Variants in APOB observed in about 807,000 individuals in gnomAD.
The protein encoded by APOB is apolipoprotein B-100.
Under a neutral mutation model 314.1 loss-of-function variants are expected in APOB, and 153 were observed. The observed-to-expected ratio is 0.49, with a 90% confidence interval of 0.43 to 0.56. The LOEUF (loss-of-function observed/expected upper bound fraction) is 0.56. APOB is among the 20% of genes least tolerant of loss of function. The pLI, the probability that APOB is intolerant of heterozygous loss-of-function variation, is 0.00. For synonymous variants in APOB, 2,087 were observed against 2,036.4 expected, an observed-to-expected ratio of 1.02 and a Z score of -0.67; for missense variants, 5,430 against 5,350.7, an observed-to-expected ratio of 1.01 and a Z score of -0.46.
At chr2:21,023,963 G>A (rs1284665313) in intron 16 of APOB, 2 of 302,340 alleles carry the variant, frequency 6.6e-6, no homozygotes, top group African/African-American at 4.3e-5. Context: ...CTGGGCCTCA[G>A]AGCTTTATGG....
chr2:21,028,572 C>T (rs763008070), intron 12 of APOB, 34 bp from the exon 13 acceptor site: 25 of 1,481,606 alleles, frequency 1.7e-5, no homozygotes, highest in Non-Finnish European at 2.2e-5. Flanking sequence ...TATCACTGTC[C>T]TGTGGTCAGA....
chr2:21,029,563 G>C, intron 12 of APOB, 76 bp downstream of exon 12: 1 of 1,505,624 alleles, frequency 6.6e-7, no homozygotes, highest in South Asian at 1.1e-5. Flanking sequence ...ATGAAATCTA[G>C]AGTCTCATTC....
In APOB at chr2:21,008,495, A is replaced by G. The variant is rs371493888; in HGVS notation, c.8373T>C (p.Ala2791=). The change falls in exon 26 of 29, where the codon GCT becomes GCC. Residue 2791 remains alanine, a synonymous_variant. Coordinates refer to ENST00000233242, the MANE Select transcript of APOB (RefSeq NM_000384.3). ...TGGACTCTCCTTTGGCAGTGATGGAAGCTGCGATACCTGCTTCGTTTGCTG... is the reference window on the plus strand; with the variant it reads ...TGGACTCTCCTTTGGCAGTGATGGAGGCTGCGATACCTGCTTCGTTTGCTG... ...TTSANEAGIA[A]SITAKGESKL... is the part of the protein sequence containing the mutation. 6.2e-6 allele frequency: 10 copies of G among 1,613,974 alleles called. No homozygotes were observed. The African/African-American group carries it at 1.2e-4, about 19-fold the overall frequency.
intron 15 of APOB, among the ~76,000 whole-genome samples, chr2:21,026,473 T>A (rs928773798): frequency 1.3e-5 from 2 of 151,914 alleles, no homozygotes; most frequent in African/African-American, 2.4e-5. Context: ...TGGTCTCAAA[T>A]TCCTGACCTT....
chr2:21,006,100 C>A lies in APOB; in HGVS notation c.10768G>T (p.Glu3590Ter), dbSNP rs747606537. 6.2e-7 allele frequency: 1 copy of A among 1,613,966 alleles called. No homozygotes were observed. The change falls in exon 26 of 29, where the codon GAA (glutamate) becomes TAA (stop). Residue 3590 changes from glutamate to a stop codon, truncating the protein, a stop_gained. Coordinates refer to ENST00000233242, the MANE Select transcript of APOB (RefSeq NM_000384.3). LOFTEE classifies it high-confidence loss of function. ...NGEHTSKATL[E>*]LSPWQMSALV... ...GCTGACATTTGCCATGGAGAGAGTT[C>A]CAGGGTGGCTTTGCTTGTATGTTCT... is the stretch of plus-strand genomic sequence containing the variant.
Position 21,008,110 on chromosome 2 carries a change from C to T in APOB, c.8758G>A (p.Ala2920Thr). The T allele has an allele frequency of 6.2e-7, 1 of 1,614,006 alleles. No homozygotes were observed. Reference sequence around the variant, plus strand: ...GACCCTTTTCCAGAAGAAGTCCATGCTATGTGGCCAGCTTTCAACAGTGTC... The same window carrying T: ...GACCCTTTTCCAGAAGAAGTCCATGTTATGTGGCCAGCTTTCAACAGTGTC... Reference protein sequence around the residue: ...IKTLLKAGHIAWTSSGKGSWK... With the variant: ...IKTLLKAGHITWTSSGKGSWK... Residue 2920 changes from alanine (A) to threonine (T), a missense_variant, in exon 26 of 29, where the codon GCA becomes ACA. Around this residue, in one of 3 missense-constraint regions of APOB, gnomAD observed 3,281 missense variants for 3,171.0 expected, o/e 1.03. Transcript: ENST00000233242.
At chr2:21,014,800 C>T (rs1280982443) in intron 23 of APOB, among the ~76,000 whole-genome samples, 1 of 152,230 alleles carries the variant, frequency 6.6e-6, no homozygotes, top group African/African-American at 2.4e-5. Flanking sequence ...CTAACATAGT[C>T]AGCCTCCTAG....
intron 3 of APOB, among the ~76,000 whole-genome samples, chr2:21,042,057 C>T (rs1305038259): frequency 2.0e-5 from 3 of 152,204 alleles, no homozygotes; most frequent in East Asian, 1.9e-4. Flanking sequence ...GCCTCTCTCA[C>T]GCTGAAATCT....
At chr2:21,021,069 G>A (rs1663594534) in intron 18 of APOB, among the ~76,000 whole-genome samples, 1 of 152,104 alleles carries the variant, frequency 6.6e-6, no homozygotes, top group South Asian at 2.1e-4. Context: ...CTCTTTACTG[G>A]GCTCAGATCC....
In APOB at chr2:21,005,655, T is replaced by C. The variant is rs776320470; in HGVS notation, c.11213A>G (p.Asn3738Ser). 2.9e-5 allele frequency: 47 copies of C among 1,613,882 alleles called. No individual in the cohort carries two copies. Among genetic ancestry groups the C allele is most frequent in the South Asian group, 2.2e-5 (2 of 91,078 alleles). ...DKFIIPGLKL[N>S]DLNSVLVMPT... Reference sequence around the variant, plus strand: ...CATGACAAGAACTGAATTTAGATCATTTAGTTTCAGCCCAGGAATAATGAA... The same window carrying C: ...CATGACAAGAACTGAATTTAGATCACTTAGTTTCAGCCCAGGAATAATGAA... The change falls in exon 26 of 29, where the codon AAT becomes AGT. Residue 3738 changes from asparagine (N) to serine (S), a missense_variant. Around this residue, in one of 3 missense-constraint regions of APOB, gnomAD observed 3,281 missense variants for 3,171.0 expected, o/e 1.03. Transcript: ENST00000233242.
chr2:21,002,309 AGAAGCTTCCT>A lies in APOB; in HGVS notation c.13103_13112del (p.Gln4368LeufsTer23). On this transcript the variant is annotated frameshift_variant, in exon 29 of 29. Coordinates refer to ENST00000233242, the MANE Select transcript of APOB (RefSeq NM_000384.3). LOFTEE classifies it low-confidence loss of function (END_TRUNC). ...ATTGATGGATCTGCTGTAACTCTTG[AGAAGCTTCCT>A]GAAGCTCGTTTTGAATAAATTCATT... The A allele has an allele frequency of 6.2e-7, 1 of 1,613,608 alleles. No homozygotes were observed. Among genetic ancestry groups the A allele is most frequent in the Non-Finnish European group, 8.5e-7 (1 of 1,179,886 alleles).
rs9282605 is a variant in APOB, at chr2:21,040,895, C to T, written c.383+43G>A. The T allele has an allele frequency of 4.5e-4, 729 of 1,610,466 alleles. 4 individuals are homozygous for T. In the East Asian group the frequency reaches 0.014, roughly 30 times the overall value. Reference sequence around the variant, plus strand: ...GCAAACACACAAGTTCATACCTCAGCGGACACACACACATGCGTGTGCTCA... The same window carrying T: ...GCAAACACACAAGTTCATACCTCAGTGGACACACACACATGCGTGTGCTCA... On this transcript the variant is annotated intron_variant, in intron 4 of 28. Coordinates refer to ENST00000233242, the MANE Select transcript of APOB (RefSeq NM_000384.3).
Position 21,019,850 on chromosome 2 carries a change from C to T in APOB, c.2872G>A (p.Glu958Lys), listed in dbSNP as rs773442036. The T allele has an allele frequency of 6.2e-7, 1 of 1,613,992 alleles. No individual in the cohort carries two copies. The highest frequency in any genetic ancestry group is 8.5e-7 in the Non-Finnish European group (1 of 1,180,026). Residue 958 changes from glutamate (E) to lysine (K), a missense_variant, in exon 19 of 29, where the codon GAG (glutamate) becomes AAG (lysine). Coordinates refer to ENST00000233242, the MANE Select transcript of APOB (RefSeq NM_000384.3). The stretch of plus-strand genomic sequence containing the variant: ...CAAACTGACCAGGACTGCCTGTTCT[C>T]AATGAGAGGTGGGATCACCTCCGTT... Reference protein sequence around the residue: ...TKTEVIPPLIENRQSWSVCKQ... With the variant: ...TKTEVIPPLIKNRQSWSVCKQ...
chr2:21,024,879 A>G, intron 16 of APOB, 54 bp downstream of exon 16: 1 of 1,556,180 alleles, frequency 6.4e-7, no homozygotes, highest in South Asian at 1.1e-5. Context: ...TGGGCGATCT[A>G]AAAAAAAACC....
chr2:21,004,633 T>A lies in APOB; in HGVS notation c.11831A>T (p.Lys3944Met). The A allele has an allele frequency of 6.2e-7, 1 of 1,613,994 alleles. No individual in the cohort carries two copies. Among genetic ancestry groups the A allele is most frequent in the East Asian group, 2.2e-5 (1 of 44,886 alleles). Residue 3944 changes from lysine (K) to methionine (M), a missense_variant, in exon 27 of 29, where the codon AAG becomes ATG. Transcript: ENST00000233242. ...HKIEDGTLAS[K>M]TKGTFAHRDF... ...ACGGTGTGCAAATGTTCCTTTAGTCTTAGAGGCTAACGTACCATCTTCGAT... is the reference window on the plus strand; with the variant it reads ...ACGGTGTGCAAATGTTCCTTTAGTCATAGAGGCTAACGTACCATCTTCGAT...
chr2:21,004,944 T>A, intron 26 of APOB, 136 bp downstream of exon 26: 2 of 1,205,096 alleles, frequency 1.7e-6, no homozygotes, highest in Non-Finnish European at 2.4e-6. Context: ...AGGGTATACA[T>A]GTATCTCTTT....
At position 21,015,015 on chromosome 2, in the gene APOB, T is replaced by A. The variant is rs1195158790; in HGVS notation, c.3696+58A>T. The A allele has an allele frequency of 4.6e-6, 7 of 1,512,610 alleles. No homozygotes were observed. In the East Asian group the frequency reaches 1.6e-4, roughly 34 times the overall value. 93.7% of individuals were successfully genotyped at this position (1,512,610 alleles called of 1,614,324 possible). The stretch of plus-strand genomic sequence containing the variant: ...AACCTTCCTGCACCTAGCTCAGAGT[T>A]GAGGATGTAATTAGCACTTATATCC... On this transcript the variant is annotated intron_variant, in intron 23 of 28. Transcript: ENST00000233242.
In APOB at chr2:21,033,487, G is replaced by A. The variant is rs780180767; in HGVS notation, c.936C>T (p.Ser312=). The A allele has an allele frequency of 1.9e-6, 3 of 1,614,120 alleles. No individual in the cohort carries two copies. Among genetic ancestry groups the A allele is most frequent in the Non-Finnish European group, 1.7e-6 (2 of 1,179,998 alleles). ...GTKKMGLAFE[S]TKSTSPPKQA... ...GCTTTGGAGGTGATGTGGATTTGGT[G>A]CTCTCAAATGCGAGGCCCATCTTCT... Residue 312 remains serine (S), a synonymous_variant, in exon 9 of 29, where the codon AGC becomes AGT. Coordinates refer to ENST00000233242, the MANE Select transcript of APOB (RefSeq NM_000384.3).
Position 21,003,328 on chromosome 2 carries a change from G to C in APOB, c.12094C>G (p.Pro4032Ala), listed in dbSNP as rs1242573243. 1.2e-6 allele frequency: 2 copies of C among 1,612,200 alleles called. No individual in the cohort carries two copies. The highest frequency in any genetic ancestry group is 1.7e-6 in the Non-Finnish European group (2 of 1,179,544). Residue 4032 changes from proline (P) to alanine (A), a missense_variant, in exon 29 of 29, where the codon CCA (proline) becomes GCA (alanine). Physicochemically the swap from Pro to Ala is conservative, Grantham distance 27. Around this residue, in one of 3 missense-constraint regions of APOB, gnomAD observed 3,281 missense variants for 3,171.0 expected, o/e 1.03. Coordinates refer to ENST00000233242, the MANE Select transcript of APOB (RefSeq NM_000384.3). Reference protein sequence around the residue: ...WNFYYSPQSSPDKKLTIFKTE... With the variant: ...WNFYYSPQSSADKKLTIFKTE... The stretch of plus-strand genomic sequence containing the variant: ...TTGAATATGGTGAGTTTTTTATCTG[G>C]AGAGGACTAAACAGAGAGAAAAAAA...
Sources: allele counts gnomAD v4.1 joint callset (sites outside exome capture counted in the v4.1 genomes callset), GRCh38; gene constraint gnomAD v4.1.1; regional missense constraint gnomAD v4.1.1; transcripts MANE v1.5; gene names NCBI Gene and HGNC (gene_info 2026-07-23, HGNC 2026-07-21).